SCNN1B: variants seen among roughly 807,000 people sequenced by gnomAD.
SCNN1B encodes sodium channel epithelial 1 subunit beta, also known as epithelial sodium channel subunit beta.
SCNN1B carries 46 observed loss-of-function variants against 65.3 expected under a neutral mutation model. The ratio of observed to expected loss-of-function variants is 0.70; its 90% CI spans 0.56 to 0.90. SCNN1B has a LOEUF of 0.90. SCNN1B is among the 40% of genes least tolerant of loss of function. SCNN1B has a pLI of 0.00. For synonymous variants in SCNN1B, 349 were observed against 330.6 expected (o/e 1.06, Z -0.60); for missense variants, 751 against 830.5 (o/e 0.90, Z 1.18).
At chr16:23,339,137 T>C (rs1428395291) in intron 1 of SCNN1B, among the ~76,000 whole-genome samples, 2 of 152,224 alleles carry the variant, frequency 1.3e-5, no homozygotes. Flanking sequence ...TATGTATTCT[T>C]ACGTGTTTAG....
chr16:23,290,131 C>T (rs939187661), intron 2 of SCNN1B, among the ~76,000 whole-genome samples: 1 of 152,102 alleles, frequency 6.6e-6, no homozygotes, highest in East Asian at 1.9e-4. Context: ...TAAAATGAGG[C>T]CGATAGTCTC....
chr16:23,369,641 C>T (rs571332210), intron 5 of SCNN1B, among the ~76,000 whole-genome samples: 1 of 152,204 alleles, frequency 6.6e-6, no homozygotes, highest in Non-Finnish European at 1.5e-5. Flanking sequence ...TCTCATTCAG[C>T]GACCATCGGG....
At chr16:23,322,354 G>A (rs1349394978) in intron 1 of SCNN1B, among the ~76,000 whole-genome samples, 5 of 152,264 alleles carry the variant, frequency 3.3e-5, no homozygotes, top group South Asian at 2.1e-4. Flanking sequence ...AGGCTAGAGT[G>A]CAGTGACATG....
At chr16:23,338,575 C>A (rs1961990523) in intron 1 of SCNN1B, among the ~76,000 whole-genome samples, 2 of 152,128 alleles carry the variant, frequency 1.3e-5, no homozygotes, top group Non-Finnish European at 1.5e-5. Context: ...AGCATCTGAC[C>A]TGCAATTTAC....
At position 23,348,846 on chromosome 16, in the gene SCNN1B, C is replaced by G; in HGVS notation, c.247C>G (p.Leu83Val). Reference sequence around the variant, plus strand: ...CTTGAGCTGGGAGGTCAGCGTCTCCCTCTCCGTAGGCTTCAAGACCATGGA... The same window carrying G: ...CTTGAGCTGGGAGGTCAGCGTCTCCGTCTCCGTAGGCTTCAAGACCATGGA... ...TYLSWEVSVS[L>V]SVGFKTMDFP... Residue 83 changes from leucine to valine, a missense_variant, in exon 2 of 13, where the codon CTC becomes GTC. Coordinates refer to ENST00000343070, the MANE Select transcript of SCNN1B (RefSeq NM_000336.3). The surrounding 1 kb of genome is among the most constrained non-coding windows in gnomAD (Gnocchi z 4.5). 1 of 1,614,164 alleles carries G rather than the reference C, an allele frequency of 6.2e-7. No individual in the cohort carries two copies. Among genetic ancestry groups the G allele is most frequent in the Non-Finnish European group, 8.5e-7 (1 of 1,180,032 alleles).
At chr16:23,356,486 T>C (rs1216293038) in intron 4 of SCNN1B, among the ~76,000 whole-genome samples, 1 of 151,936 alleles carries the variant, frequency 6.6e-6, no homozygotes, top group African/African-American at 2.4e-5. Flanking sequence ...CAGCCAGATA[T>C]AGTCATGCTC....
chr16:23,290,118 C>T (rs991632977), intron 2 of SCNN1B, among the ~76,000 whole-genome samples: 1 of 152,084 alleles, frequency 6.6e-6, no homozygotes, highest in African/African-American at 2.4e-5. Flanking sequence ...TTTTTTTCCC[C>T]TATAAAATGA....
intron 2 of SCNN1B, among the ~76,000 whole-genome samples, chr16:23,290,115 C>T (rs906325813): frequency 2.3e-4 from 35 of 152,116 alleles, no homozygotes; most frequent in African/African-American, 8.0e-4. Flanking sequence ...CCGTTTTTTT[C>T]CCCTATAAAA....
chr16:23,346,377 G>A (rs574377823), intron 1 of SCNN1B, among the ~76,000 whole-genome samples: 192 of 151,316 alleles, frequency 1.3e-3, no homozygotes, highest in African/African-American at 4.5e-3. Flanking sequence ...ACAAGGGCCC[G>A]CCACCAGCTA....
intron 1 of SCNN1B, among the ~76,000 whole-genome samples, chr16:23,340,696 A>G (rs1962037248): frequency 6.6e-6 from 1 of 152,144 alleles, no homozygotes. Context: ...ATGCCTGGCC[A>G]AGACTACACT....
At chr16:23,287,005 TTG>T (rs1483640224) in intron 2 of SCNN1B, among the ~76,000 whole-genome samples, 64 of 122,226 alleles carry the variant, frequency 5.2e-4, no homozygotes, top group African/African-American at 2.0e-3. Flanking sequence ...TGTTGCTGGG[TTG>T]TTTTTTTTTT....
At chr16:23,329,026 CT>C (rs1053141871) in intron 1 of SCNN1B, among the ~76,000 whole-genome samples, 7 of 152,040 alleles carry the variant, frequency 4.6e-5, no homozygotes, top group Admixed American at 1.3e-4. Context: ...TCTTGAACTC[CT>C]GGGCTCAAGC....
At chr16:23,342,118 T>C (rs1385590549) in intron 1 of SCNN1B, among the ~76,000 whole-genome samples, 2 of 152,178 alleles carry the variant, frequency 1.3e-5, no homozygotes, top group Non-Finnish European at 2.9e-5. Flanking sequence ...ATAAATAAAA[T>C]GTAGTCTCAA....
chr16:23,342,593 G>T (rs1204916283), intron 1 of SCNN1B, among the ~76,000 whole-genome samples: 7 of 152,026 alleles, frequency 4.6e-5, no homozygotes, highest in African/African-American at 2.4e-5. Flanking sequence ...GGCTTCCCTG[G>T]ACCACATTGG....
intron 4 of SCNN1B, among the ~76,000 whole-genome samples, chr16:23,360,360 AC>A (rs556761266): frequency 1.3e-5 from 2 of 151,740 alleles, no homozygotes; most frequent in Admixed American, 6.6e-5. Context: ...ACATAGTGAG[AC>A]CCCCCATCTC....
At chr16:23,334,891 C>T (rs1290449376) in intron 1 of SCNN1B, among the ~76,000 whole-genome samples, 3 of 152,172 alleles carry the variant, frequency 2.0e-5, no homozygotes, top group South Asian at 2.1e-4. Flanking sequence ...AGCACATAAA[C>T]GTGTTTTTTT....
intron 2 of SCNN1B, 103 bp downstream of exon 2, chr16:23,349,013 C>A: frequency 1.1e-6 from 1 of 935,374 alleles, no homozygotes. Context: ...CTTCCTTCTC[C>A]TTTCTCTCCT....
At chr16:23,353,915 C>T (rs1962364334) in intron 3 of SCNN1B, among the ~76,000 whole-genome samples, 1 of 152,216 alleles carries the variant, frequency 6.6e-6, no homozygotes. Context: ...CCCTAGGCCC[C>T]ACTCCTGGAG....
chr16:23,316,370 ATCACCATCC>A (rs1246014529), intron 1 of SCNN1B, among the ~76,000 whole-genome samples: 1 of 148,830 alleles, frequency 6.7e-6, no homozygotes, highest in South Asian at 2.1e-4. Flanking sequence ...CATCATCACC[ATCACCATCC>A]TCACCATCAT....
Sources: allele counts gnomAD v4.1 joint callset (sites outside exome capture counted in the v4.1 genomes callset), GRCh38; gene constraint gnomAD v4.1.1; non-coding constraint Gnocchi (gnomAD v3.1); transcripts MANE v1.5; gene names NCBI Gene and HGNC (gene_info 2026-07-23, HGNC 2026-07-21).